The following RBFOX1 variants were observed in gnomAD, a reference collection of about 807,000 sequenced individuals.
RBFOX1 encodes RNA binding fox-1 homolog 1.
Under a neutral mutation model 57.7 loss-of-function variants are expected in RBFOX1, and 8 were observed. The observed-to-expected ratio is 0.14, with a 90% CI of 0.08 to 0.25. The LOEUF (loss-of-function observed/expected upper bound fraction) is 0.25. Among genes scored for constraint, RBFOX1 ranks in the 10% least tolerant of loss-of-function variants. RBFOX1 has a pLI of 1.00. For synonymous variants in RBFOX1, 326 were observed against 222.4 expected (o/e 1.47, Z -4.15); for missense variants, 611 against 548.5 (o/e 1.11, Z -1.14).
intron 3 of RBFOX1, among the ~76,000 whole-genome samples, chr16:5,814,594 C>A (rs1445801661): frequency 6.6e-6 from 1 of 152,214 alleles, no homozygotes; most frequent in African/African-American, 2.4e-5. Flanking sequence ...GAGAGCCTAT[C>A]TTCTCATCCA....
At chr16:6,563,881 T>C (rs2153929601) in intron 2 of RBFOX1, among the ~76,000 whole-genome samples, 1 of 151,614 alleles carries the variant, frequency 6.6e-6, no homozygotes, top group African/African-American at 2.4e-5. Flanking sequence ...TATATGTATG[T>C]GTGTGTGTGT....
intron 4 of RBFOX1, among the ~76,000 whole-genome samples, chr16:7,228,923 T>C (rs2093320378): frequency 6.6e-6 from 1 of 152,080 alleles, no homozygotes; most frequent in African/African-American, 2.4e-5. Context: ...GATGGATGCA[T>C]TGGGGTAGAG....
chr16:7,190,029 C>A (rs907500272), intron 4 of RBFOX1, among the ~76,000 whole-genome samples: 1 of 152,154 alleles, frequency 6.6e-6, no homozygotes, highest in South Asian at 2.1e-4. Flanking sequence ...AAATGGAAAA[C>A]CATGATTTAC....
chr16:7,543,608 G>A (rs988039509), intron 5 of RBFOX1, among the ~76,000 whole-genome samples: 10 of 151,600 alleles, frequency 6.6e-5, no homozygotes, highest in Non-Finnish European at 1.2e-4. Context: ...GAGAACCATT[G>A]CTTAAGGATT....
intron 2 of RBFOX1, among the ~76,000 whole-genome samples, chr16:5,569,903 C>G (rs564898032): frequency 9.2e-5 from 14 of 152,258 alleles, no homozygotes; most frequent in African/African-American, 3.1e-4. Flanking sequence ...AGTCAAAGAA[C>G]AAGACGTAAT....
At chr16:6,198,966 A>G (rs116807484) in intron 1 of RBFOX1, among the ~76,000 whole-genome samples, 6,016 of 152,114 alleles carry the variant, frequency 0.04, 390 homozygotes, top group African/African-American at 0.14. Context: ...TGAATATCAA[A>G]TCTGCTTTTG....
chr16:5,434,564 C>T lies in RBFOX1; in HGVS notation c.220-32652C>T, dbSNP rs9938825. 7.2e-5 allele frequency among the ~76,000 whole-genome samples: 11 copies of T among 152,008 alleles called. No homozygotes were observed. In the East Asian group the frequency reaches 9.7e-4, roughly 13 times the overall value. On this transcript the variant is annotated intron_variant, in intron 1 of 2. Coordinates refer to the RBFOX1 transcript ENST00000585867. ...AACTCCTGACCTCAAGTGATCTGCC[C>T]GACACAGCCTAACCAAAGTGCTGAG...
intron 2 of RBFOX1, among the ~76,000 whole-genome samples, chr16:6,575,984 TA>T (rs1296406359): frequency 6.6e-6 from 1 of 152,052 alleles, no homozygotes; most frequent in African/African-American, 2.4e-5. Flanking sequence ...CATCAAAAAA[TA>T]ATTTTTTATT....
At chr16:5,289,787 G>T (rs1370233871) in intron 1 of RBFOX1, among the ~76,000 whole-genome samples, 1 of 152,196 alleles carries the variant, frequency 6.6e-6, no homozygotes, top group Non-Finnish European at 1.5e-5. Context: ...AGTCTCTCAG[G>T]GTGAGGAAAG....
At chr16:7,627,816 T>C (rs1020932716) in intron 10 of RBFOX1, among the ~76,000 whole-genome samples, 1 of 152,206 alleles carries the variant, frequency 6.6e-6, no homozygotes, top group Non-Finnish European at 1.5e-5. Context: ...GTAAGTACTT[T>C]CCAAATTAAA....
chr16:6,075,433 A>T (rs1299108692), intron 1 of RBFOX1, among the ~76,000 whole-genome samples: 1 of 152,246 alleles, frequency 6.6e-6, no homozygotes, highest in East Asian at 1.9e-4. Flanking sequence ...AGAAAAAGCC[A>T]TGTCTTATGA....
intron 2 of RBFOX1, among the ~76,000 whole-genome samples, chr16:6,607,091 C>G (rs1009289542): frequency 3.9e-5 from 6 of 152,200 alleles, no homozygotes; most frequent in Admixed American, 3.3e-4. Context: ...CTGCTGCCTT[C>G]CAAACCTACT....
At chr16:7,398,903 C>G (rs895789511) in intron 4 of RBFOX1, among the ~76,000 whole-genome samples, 2 of 152,170 alleles carry the variant, frequency 1.3e-5, no homozygotes, top group East Asian at 1.9e-4. Context: ...GCTACTGTAA[C>G]AAATGCCCAC....
intron 3 of RBFOX1, among the ~76,000 whole-genome samples, chr16:6,850,662 CA>C (rs1367260060): frequency 1.3e-5 from 2 of 152,144 alleles, no homozygotes. Context: ...TACCTTCTTT[CA>C]TTTTAACTTC....
chr16:7,191,018 C>T (rs117912617), intron 4 of RBFOX1, among the ~76,000 whole-genome samples: 5 of 152,056 alleles, frequency 3.3e-5, no homozygotes, highest in Admixed American at 1.3e-4. Context: ...CTCCCACCCC[C>T]ACATAGTGTC....
chr16:5,688,667 A>T (rs4786753), intron 3 of RBFOX1, among the ~76,000 whole-genome samples: 1 of 152,004 alleles, frequency 6.6e-6, no homozygotes, highest in Non-Finnish European at 1.5e-5. Flanking sequence ...TTCATTACCT[A>T]CCCAGAGTCT....
rs1567355465 is a variant in RBFOX1 at position 6,060,122 on chromosome 16, G to GTTTTTTGTTTTTTTTTTT, written c.-127+40136_-127+40137insGTTTTTTTTTTTTTTTTT. On this transcript the variant is annotated intron_variant, in intron 1 of 15. Coordinates refer to ENST00000550418, the MANE Select transcript of RBFOX1 (RefSeq NM_018723.4). Reference sequence around the variant, plus strand: ...ATTTGGCCCTAAAATTAGGATTAGGGTTTTTTTTTTTTTTTTTTTTTTTTT... The same window carrying GTTTTTTGTTTTTTTTTTT: ...ATTTGGCCCTAAAATTAGGATTAGGGTTTTTTGTTTTTTTTTTTTTTTTTTTTTTTTTTTTTTTTTTTT... 3.4e-4 allele frequency among the ~76,000 whole-genome samples: 39 copies of GTTTTTTGTTTTTTTTTTT among 114,204 alleles called. 3 individuals carry two copies. The highest frequency in any genetic ancestry group is 2.4e-3 in the East Asian group (9 of 3,788). 74.9% of individuals were successfully genotyped at this position (114,204 alleles called of 152,430 possible). A position where few individuals can be genotyped will look rare whatever the true frequency, so the allele number is the denominator to read the frequency against.
chr16:6,172,399 A>G (rs1598041956), intron 1 of RBFOX1, among the ~76,000 whole-genome samples: 2 of 152,298 alleles, frequency 1.3e-5, no homozygotes, highest in African/African-American at 4.8e-5. Context: ...TCTCTCGTTT[A>G]CAGTTCCATC....
chr16:6,900,730 T>A (rs1472071345), intron 3 of RBFOX1, among the ~76,000 whole-genome samples: 3 of 152,180 alleles, frequency 2.0e-5, no homozygotes, highest in African/African-American at 4.8e-5. Flanking sequence ...GCCGTTCCTA[T>A]CTTTCGTCTA....
Sources: gnomAD v4.1 joint callset for allele counts (sites outside exome capture counted in the v4.1 genomes callset) on GRCh38, gnomAD v4.1.1 for gene constraint, MANE v1.5 for transcripts, NCBI Gene and HGNC (gene_info 2026-07-23, HGNC 2026-07-21) for gene names.